Variants in ATRNL1 observed in about 807,000 individuals in gnomAD.
ATRNL1 encodes attractin-like protein 1.
ATRNL1 carries 95 observed loss-of-function variants against 182.7 expected under a neutral mutation model. The observed-to-expected ratio is 0.52, with a 90% CI of 0.44 to 0.62. The LOEUF is 0.62. Among genes scored for constraint, ATRNL1 ranks in the 20% least tolerant of loss-of-function variants. The pLI is 0.00. For missense variants in ATRNL1, 1,471 were observed against 1,679.5 expected (o/e 0.88, Z 2.17); for synonymous variants, 576 against 568.3 (o/e 1.01, Z -0.19).
intron 5 of ATRNL1, among the ~76,000 whole-genome samples, chr10:115,132,038 G>A (rs1291337753): frequency 2.6e-5 from 4 of 151,840 alleles, no homozygotes; most frequent in Non-Finnish European, 5.9e-5. Context: ...CCATTAACAC[G>A]TCACTTACAT....
intron 28 of ATRNL1, among the ~76,000 whole-genome samples, chr10:115,894,671 C>A (rs142015867): frequency 6.6e-6 from 1 of 152,140 alleles, no homozygotes; most frequent in African/African-American, 2.4e-5. Context: ...AGCAAAATCG[C>A]GGGGTGTCTG....
intron 19 of ATRNL1, among the ~76,000 whole-genome samples, chr10:115,390,375 T>C (rs606204): frequency 6.6e-6 from 1 of 151,912 alleles, no homozygotes; most frequent in Non-Finnish European, 1.5e-5. Flanking sequence ...TTGAATAAGG[T>C]TCTAATCTCA....
At chr10:115,431,927 A>G (rs948720316) in intron 21 of ATRNL1, among the ~76,000 whole-genome samples, 1 of 152,070 alleles carries the variant, frequency 6.6e-6, no homozygotes, top group African/African-American at 2.4e-5. Context: ...TACCATTATG[A>G]ACACATTATG....
chr10:115,572,474 T>C (rs1034427689), intron 26 of ATRNL1, among the ~76,000 whole-genome samples: 1 of 152,178 alleles, frequency 6.6e-6, no homozygotes, highest in Non-Finnish European at 1.5e-5. Context: ...TCTAGGGTTT[T>C]ACCTTCAAAA....
intron 14 of ATRNL1, among the ~76,000 whole-genome samples, chr10:115,282,551 A>AT: frequency 6.6e-6 from 1 of 152,120 alleles, no homozygotes; most frequent in Non-Finnish European, 1.5e-5. Flanking sequence ...AAGTAATTTC[A>AT]TTTTTTCACA....
chr10:115,148,631 C>A (rs565879123), intron 5 of ATRNL1, among the ~76,000 whole-genome samples: 1 of 150,858 alleles, frequency 6.6e-6, no homozygotes, highest in African/African-American at 2.4e-5. Context: ...CGTGGACACA[C>A]AATGAGTGGG....
intron 24 of ATRNL1, among the ~76,000 whole-genome samples, chr10:115,498,702 A>G (rs1006850265): frequency 5.9e-5 from 9 of 151,798 alleles, no homozygotes; most frequent in African/African-American, 2.2e-4. Flanking sequence ...ATGGATATCA[A>G]TATTTTAAAA....
At chr10:115,325,609 C>T (rs1854831877) in intron 18 of ATRNL1, among the ~76,000 whole-genome samples, 1 of 152,142 alleles carries the variant, frequency 6.6e-6, no homozygotes, top group Admixed American at 6.5e-5. Context: ...ATACTTTCCA[C>T]CAGATGGATG....
chr10:115,787,324 A>G (rs1353856539), intron 27 of ATRNL1, among the ~76,000 whole-genome samples: 3 of 152,198 alleles, frequency 2.0e-5, no homozygotes, highest in Non-Finnish European at 4.4e-5. Context: ...ATATATAGCC[A>G]GGCTTTACCC....
At chr10:115,151,349 G>A (rs1269212808) in intron 5 of ATRNL1, among the ~76,000 whole-genome samples, 2 of 152,134 alleles carry the variant, frequency 1.3e-5, no homozygotes, top group African/African-American at 4.8e-5. Context: ...CAGTGTAAAA[G>A]CATTCCTATT....
At chr10:115,601,964 C>T (rs1856620589) in intron 26 of ATRNL1, among the ~76,000 whole-genome samples, 1 of 150,424 alleles carries the variant, frequency 6.6e-6, no homozygotes, top group African/African-American at 2.4e-5. Flanking sequence ...TAATTGAGTA[C>T]TTTTTGGATT....
At chr10:115,282,260 A>C (rs1852403364) in intron 14 of ATRNL1, among the ~76,000 whole-genome samples, 1 of 147,456 alleles carries the variant, frequency 6.8e-6, no homozygotes, top group Non-Finnish European at 1.5e-5. Flanking sequence ...TATTTTTTTA[A>C]AATTATTATT....
chr10:115,544,777 T>A (rs1478057216), intron 25 of ATRNL1, among the ~76,000 whole-genome samples: 1 of 152,160 alleles, frequency 6.6e-6, no homozygotes, highest in African/African-American at 2.4e-5. Context: ...TTTAAGAAAT[T>A]CAGATGATGG....
At chr10:115,861,498 A>C (rs1555103456) in intron 28 of ATRNL1, among the ~76,000 whole-genome samples, 1 of 152,106 alleles carries the variant, frequency 6.6e-6, no homozygotes, top group African/African-American at 2.4e-5. Context: ...GCTATAAATT[A>C]ATTATAGATG....
At chr10:115,502,321 G>A (rs1221944612) in intron 24 of ATRNL1, among the ~76,000 whole-genome samples, 2 of 152,016 alleles carry the variant, frequency 1.3e-5, no homozygotes, top group South Asian at 2.1e-4. Context: ...GATTAATTAG[G>A]TTAGAAAAAG....
chr10:115,460,260 C>T (rs145660394), intron 21 of ATRNL1, among the ~76,000 whole-genome samples: 1 of 152,170 alleles, frequency 6.6e-6, no homozygotes, highest in East Asian at 1.9e-4. Flanking sequence ...TACGCATGCT[C>T]CTGAGCTTGA....
intron 8 of ATRNL1, among the ~76,000 whole-genome samples, chr10:115,189,308 T>G (rs1433045360): frequency 2.0e-5 from 3 of 152,172 alleles, no homozygotes; most frequent in African/African-American, 7.2e-5. Flanking sequence ...TTTACTATAC[T>G]TTTTATTATT....
chr10:115,198,839 C>A (rs1848452562), intron 8 of ATRNL1, among the ~76,000 whole-genome samples: 1 of 152,048 alleles, frequency 6.6e-6, no homozygotes, highest in Non-Finnish European at 1.5e-5. Flanking sequence ...ATTTTCAGGT[C>A]CCCTGTTCTG....
chr10:115,733,139 TG>T (rs146704665), intron 27 of ATRNL1, among the ~76,000 whole-genome samples: 24,001 of 152,146 alleles, frequency 0.16, 2,171 homozygotes, highest in Non-Finnish European at 0.2. Flanking sequence ...ATTGTTTATT[TG>T]GTAATTATAG....
Sources: allele counts gnomAD v4.1 joint callset (sites outside exome capture counted in the v4.1 genomes callset), GRCh38; gene constraint gnomAD v4.1.1; transcripts MANE v1.5; gene names NCBI Gene and HGNC (gene_info 2026-07-23, HGNC 2026-07-21).